The following WWOX variants were observed in gnomAD, a reference collection of about 807,000 sequenced individuals.
The protein encoded by WWOX is WW domain-containing oxidoreductase.
WWOX carries 69 observed loss-of-function variants against 46.2 expected under a neutral mutation model. That is an observed-to-expected ratio of 1.49 (90% CI 1.23 to 1.82). The LOEUF (loss-of-function observed/expected upper bound fraction) is 1.82, where lower values mean the gene tolerates loss of function less well. WWOX is among the 40% of genes most tolerant of loss of function. The pLI, the probability that WWOX is intolerant of heterozygous loss-of-function variation, is 0.00. For missense variants in WWOX, 919 were observed against 542.6 expected (o/e 1.69, Z -6.89); for synonymous variants, 359 against 202.6 (o/e 1.77, Z -6.56).
chr16:78,127,251 A>G lies in WWOX; in HGVS notation c.409+12097A>G, dbSNP rs1042949360. Reference sequence around the variant, plus strand: ...AGAGTGCCCAGGGAATTGTCTACTCATCATTGCAGGCGTTTAATAACGTGT... The same window carrying G: ...AGAGTGCCCAGGGAATTGTCTACTCGTCATTGCAGGCGTTTAATAACGTGT... On this transcript the variant is annotated intron_variant, in intron 4 of 8. Coordinates refer to ENST00000566780, the MANE Select transcript of WWOX (RefSeq NM_016373.4). Among the ~76,000 whole-genome samples the G allele has an allele frequency of 1.2e-4, 18 of 152,228 alleles. No homozygotes were observed. In the East Asian group the frequency reaches 3.5e-3, roughly 29 times the overall value.
In WWOX at chr16:78,371,142, A is replaced by G. The variant is rs1483944217; in HGVS notation, c.517-15718A>G. Reference sequence around the variant, plus strand: ...CATACCTAGGTAATTTTACTTAAGTATATGAGTTAAGTTGATACGCACAGT... The same window carrying G: ...CATACCTAGGTAATTTTACTTAAGTGTATGAGTTAAGTTGATACGCACAGT... On this transcript the variant is annotated intron_variant, in intron 5 of 8. Transcript: ENST00000566780. Among the ~76,000 whole-genome samples the G allele has an allele frequency of 5.9e-5, 9 of 152,254 alleles. No individual in the cohort carries two copies. The East Asian group carries it at 1.7e-3, about 29-fold the overall frequency.
intron 8 of WWOX, among the ~76,000 whole-genome samples, chr16:79,207,269 T>G (rs1192153293): frequency 6.6e-6 from 1 of 152,250 alleles, no homozygotes; most frequent in Non-Finnish European, 1.5e-5. Flanking sequence ...GAGAAGTATT[T>G]GCTTTGTCCA....
chr16:79,161,769 T>A (rs1438359261), intron 8 of WWOX, among the ~76,000 whole-genome samples: 2 of 152,226 alleles, frequency 1.3e-5, no homozygotes, highest in Admixed American at 1.3e-4. Context: ...TCCACCCGCC[T>A]TGGCCTGCCA....
intron 8 of WWOX, among the ~76,000 whole-genome samples, chr16:79,041,005 T>C (rs2047961053): frequency 6.6e-6 from 1 of 151,918 alleles, no homozygotes; most frequent in African/African-American, 2.4e-5. Flanking sequence ...AGCAGACAAG[T>C]GCATCAGACA....
chr16:78,126,849 G>C (rs1208181895), intron 4 of WWOX, among the ~76,000 whole-genome samples: 10 of 152,206 alleles, frequency 6.6e-5, no homozygotes, highest in Admixed American at 5.2e-4. Flanking sequence ...AGATGACACA[G>C]TAGGCAAGAT....
In WWOX at chr16:78,266,357, A is replaced by C. The variant is rs138872699; in HGVS notation, c.516+102068A>C. Among the ~76,000 whole-genome samples, 636 of 152,328 alleles carry C rather than the reference A, an allele frequency of 4.2e-3. 3 individuals are homozygous for C. Among genetic ancestry groups the C allele is most frequent in the African/African-American group, 0.015 (610 of 41,574 alleles). On this transcript the variant is annotated intron_variant, in intron 5 of 8. Transcript: ENST00000566780. ...CCCTACACACCTTCATTTATAAGCTATCTGTGGCTACTTTTGCACTATGCC... is the reference window on the plus strand; with the variant it reads ...CCCTACACACCTTCATTTATAAGCTCTCTGTGGCTACTTTTGCACTATGCC...
chr16:78,823,661 G>C (rs188086857), intron 8 of WWOX, among the ~76,000 whole-genome samples: 21 of 152,234 alleles, frequency 1.4e-4, no homozygotes, highest in Middle Eastern at 6.8e-3. Context: ...AAGTATACAC[G>C]TATCTGTGCA....
chr16:78,877,243 G>A (rs1597095149), intron 8 of WWOX, among the ~76,000 whole-genome samples: 1 of 152,192 alleles, frequency 6.6e-6, no homozygotes, highest in South Asian at 2.1e-4. Flanking sequence ...AATCGTCACA[G>A]TAGGACACCA....
At chr16:78,336,970 G>T (rs377415985) in intron 5 of WWOX, among the ~76,000 whole-genome samples, 1 of 151,988 alleles carries the variant, frequency 6.6e-6, no homozygotes, top group African/African-American at 2.4e-5. Context: ...TAGTACAGAC[G>T]GGGTTTCAGC....
At chr16:78,815,587 C>G (rs540108154) in intron 8 of WWOX, among the ~76,000 whole-genome samples, 1 of 152,188 alleles carries the variant, frequency 6.6e-6, no homozygotes, top group African/African-American at 2.4e-5. Context: ...AGCTGTCCTC[C>G]AAAACACACA....
rs190415541 is a variant in WWOX at position 78,644,809 on chromosome 16, T to C, written c.1056+212057T>C. On this transcript the variant is annotated intron_variant, in intron 8 of 8. Coordinates refer to ENST00000566780, the MANE Select transcript of WWOX (RefSeq NM_016373.4). ...ACAAATATTTATTTCGTGACTATTATGAGTCAGGCTTAAGAATACACTAGT... is the reference window on the plus strand; with the variant it reads ...ACAAATATTTATTTCGTGACTATTACGAGTCAGGCTTAAGAATACACTAGT... Among the ~76,000 whole-genome samples the C allele has an allele frequency of 2.3e-3, 347 of 152,310 alleles. 1 individual carries two copies. Among genetic ancestry groups the C allele is most frequent in the Middle Eastern group, 0.014 (4 of 294 alleles).
rs11867158 is a variant in WWOX, at chr16:79,109,731, C to G, written c.1057-101877C>G. Reference sequence around the variant, plus strand: ...ATAGAACAACTCCTTGCTTTTTCACCAAGAATCTAGAATCTAGAATTATCT... The same window carrying G: ...ATAGAACAACTCCTTGCTTTTTCACGAAGAATCTAGAATCTAGAATTATCT... On this transcript the variant is annotated intron_variant, in intron 8 of 8. Coordinates refer to ENST00000566780, the MANE Select transcript of WWOX (RefSeq NM_016373.4). Among the ~76,000 whole-genome samples the G allele has an allele frequency of 7.7e-3, 1,176 of 152,054 alleles. 17 individuals are homozygous for G. Among genetic ancestry groups the G allele is most frequent in the African/African-American group, 0.027 (1,116 of 41,492 alleles).
At chr16:78,333,097 C>T (rs1311903637) in intron 5 of WWOX, among the ~76,000 whole-genome samples, 1 of 127,122 alleles carries the variant, frequency 7.9e-6, no homozygotes, top group Non-Finnish European at 1.6e-5. Flanking sequence ...TCACCCAGGC[C>T]TGGAGTGCAG....
intron 8 of WWOX, among the ~76,000 whole-genome samples, chr16:78,621,996 A>C (rs75771786): frequency 6.6e-6 from 1 of 152,054 alleles, no homozygotes; most frequent in Non-Finnish European, 1.5e-5. Flanking sequence ...TGGATGTCCA[A>C]TGTCATTCTT....
intron 8 of WWOX, among the ~76,000 whole-genome samples, chr16:79,079,520 C>G (rs139313169): frequency 1.9e-4 from 29 of 152,270 alleles, no homozygotes; most frequent in African/African-American, 6.7e-4. Flanking sequence ...CATTCTTGAA[C>G]CATATGTTTC....
intron 8 of WWOX, among the ~76,000 whole-genome samples, chr16:78,725,537 G>C (rs550142273): frequency 2.6e-5 from 4 of 151,064 alleles, no homozygotes; most frequent in African/African-American, 7.3e-5. Flanking sequence ...AGTAGAAATG[G>C]GGTTTCACCA....
intron 8 of WWOX, among the ~76,000 whole-genome samples, chr16:78,611,478 C>G (rs1268304184): frequency 6.6e-6 from 1 of 152,172 alleles, no homozygotes; most frequent in Non-Finnish European, 1.5e-5. Context: ...ACTGCCCTGC[C>G]TCCCTGGAGG....
chr16:78,620,870 G>C (rs1314426176), intron 8 of WWOX, among the ~76,000 whole-genome samples: 1 of 152,036 alleles, frequency 6.6e-6, no homozygotes, highest in African/African-American at 2.4e-5. Context: ...TTCATGTCCA[G>C]GTCACTACGT....
chr16:78,628,555 C>T (rs1448663554), intron 8 of WWOX, among the ~76,000 whole-genome samples: 3 of 152,084 alleles, frequency 2.0e-5, no homozygotes, highest in Admixed American at 2.0e-4. Context: ...TTTTGTATGC[C>T]TCCCCATGCA....
Sources: allele counts gnomAD v4.1 joint callset (sites outside exome capture counted in the v4.1 genomes callset), GRCh38; gene constraint gnomAD v4.1.1; transcripts MANE v1.5; gene names NCBI Gene and HGNC (gene_info 2026-07-23, HGNC 2026-07-21).